Variants in KALRN observed in about 807,000 individuals in gnomAD.
KALRN encodes the protein kalirin.
In KALRN, 70 loss-of-function variants were observed where a neutral mutation model predicts 353.7. That is an observed-to-expected ratio of 0.20 (90% CI 0.16 to 0.24). The LOEUF (loss-of-function observed/expected upper bound fraction) is 0.24. Among genes scored for constraint, KALRN ranks in the 10% least tolerant of loss-of-function variants. The pLI, the probability that KALRN is intolerant of heterozygous loss-of-function variation, is 1.00. For missense variants in KALRN, 2,791 were observed against 3,756.7 expected, an observed-to-expected ratio of 0.74 and a Z score of 6.72; for synonymous variants, 1,391 against 1,434.8, an observed-to-expected ratio of 0.97 and a Z score of 0.69.
chr3:124,187,916 C>G (rs1222706319), intron 1 of KALRN, among the ~76,000 whole-genome samples: 1 of 152,150 alleles, frequency 6.6e-6, no homozygotes, highest in Non-Finnish European at 1.5e-5. Flanking sequence ...TGCATTTTCA[C>G]CTGGTTACTG....
chr3:124,338,986 A>C (rs907979620), intron 9 of KALRN, among the ~76,000 whole-genome samples: 1 of 152,218 alleles, frequency 6.6e-6, no homozygotes, highest in Non-Finnish European at 1.5e-5. Context: ...AGGGCTTTTT[A>C]AAAACAGATT....
chr3:124,246,550 T>G (rs1227565295), intron 3 of KALRN, among the ~76,000 whole-genome samples: 2 of 152,242 alleles, frequency 1.3e-5, no homozygotes, highest in Non-Finnish European at 2.9e-5. Context: ...TGGCATGGCT[T>G]AAAGTGGTTA....
At chr3:124,520,831 TC>T (rs2067103576) in intron 33 of KALRN, among the ~76,000 whole-genome samples, 1 of 152,228 alleles carries the variant, frequency 6.6e-6, no homozygotes, top group African/African-American at 2.4e-5. Flanking sequence ...CCTCTAATTT[TC>T]ACAGCCATCC....
chr3:124,430,367 C>T (rs1448986907), intron 15 of KALRN, among the ~76,000 whole-genome samples: 1 of 152,158 alleles, frequency 6.6e-6, no homozygotes, highest in East Asian at 1.9e-4. Flanking sequence ...GACATGCATA[C>T]AGTACAACCA....
intron 5 of KALRN, among the ~76,000 whole-genome samples, chr3:124,289,680 A>T (rs1350160661): frequency 6.6e-6 from 1 of 152,194 alleles, no homozygotes. Flanking sequence ...TTAGGTTCAG[A>T]TGGACACTAG....
Position 124,722,225 on chromosome 3 carries a change from G to T in KALRN, c.*2755G>T. The T allele has an allele frequency of 6.6e-6, 1 of 152,322 alleles. No homozygotes were observed. 9.4% of individuals were successfully genotyped at this position (152,322 alleles called of 1,614,324 possible). On this transcript the variant is annotated 3_prime_UTR_variant, in exon 60 of 60. Transcript: ENST00000682506. Reference sequence around the variant, plus strand: ...TTTTTGAAATTATGTTATGGGGGCAGTTGACAGAATGTTAGACAGACCCCA... The same window carrying T: ...TTTTTGAAATTATGTTATGGGGGCATTTGACAGAATGTTAGACAGACCCCA...
At chr3:124,575,009 G>A (rs1202201608) in intron 34 of KALRN, among the ~76,000 whole-genome samples, 1 of 152,224 alleles carries the variant, frequency 6.6e-6, no homozygotes, top group East Asian at 1.9e-4. Flanking sequence ...GAGGATCTAT[G>A]TGGGGGTGAA....
In KALRN at chr3:124,723,850, G is replaced by A. The variant is rs2150870453; in HGVS notation, c.*4380G>A. 6.6e-6 allele frequency: 1 copy of A among 152,276 alleles called. No individual in the cohort carries two copies. Among genetic ancestry groups the A allele is most frequent in the Non-Finnish European group, 1.5e-5 (1 of 68,020 alleles). The allele number at this position is 152,276 out of a possible 1,614,324, so 9.4% of individuals were successfully genotyped here. Reference sequence around the variant, plus strand: ...TTTATGCTCTGGAAAAAAGGACAGAGAAGAACCCAACAACCACTTTCTTCA... The same window carrying A: ...TTTATGCTCTGGAAAAAAGGACAGAAAAGAACCCAACAACCACTTTCTTCA... On this transcript the variant is annotated 3_prime_UTR_variant, in exon 60 of 60. Transcript: ENST00000682506.
chr3:124,327,717 A>G (rs1460579394), intron 7 of KALRN, among the ~76,000 whole-genome samples: 1 of 152,220 alleles, frequency 6.6e-6, no homozygotes, highest in Non-Finnish European at 1.5e-5. Flanking sequence ...TGTGGTCTTA[A>G]CTTCTACAAT....
intron 2 of KALRN, among the ~76,000 whole-genome samples, chr3:124,232,592 G>A (rs1358473567): frequency 6.6e-6 from 1 of 152,136 alleles, no homozygotes; most frequent in African/African-American, 2.4e-5. Flanking sequence ...CCAGCATAAA[G>A]ATTCTCTTCC....
chr3:124,711,631 T>C (rs557145487), intron 57 of KALRN, among the ~76,000 whole-genome samples: 1 of 152,318 alleles, frequency 6.6e-6, no homozygotes, highest in East Asian at 1.9e-4. Flanking sequence ...GCAACAGCTG[T>C]ATCTGGGAAC....
intron 5 of KALRN, among the ~76,000 whole-genome samples, chr3:124,289,633 G>A (rs1431549715): frequency 6.6e-6 from 1 of 152,192 alleles, no homozygotes; most frequent in Non-Finnish European, 1.5e-5. Flanking sequence ...GGAAGTTATT[G>A]TTAGAGAGCA....
chr3:124,564,959 G>C (rs187437637), intron 34 of KALRN, among the ~76,000 whole-genome samples: 1 of 152,248 alleles, frequency 6.6e-6, no homozygotes, highest in African/African-American at 2.4e-5. Context: ...CTTCTATGCA[G>C]ACCTGTGCTA....
chr3:124,698,627 A>G (rs1416864115), intron 55 of KALRN, among the ~76,000 whole-genome samples: 3 of 152,224 alleles, frequency 2.0e-5, no homozygotes, highest in African/African-American at 4.8e-5. Context: ...GATTATAGTT[A>G]GTGAGAGGCA....
chr3:124,108,315 A>C (rs767925363), intron 1 of KALRN, among the ~76,000 whole-genome samples: 8 of 152,220 alleles, frequency 5.3e-5, no homozygotes, highest in East Asian at 1.9e-4. Context: ...CAAAAGGCAG[A>C]TAGTCATGTT....
intron 51 of KALRN, among the ~76,000 whole-genome samples, chr3:124,684,459 A>C (rs376911563): frequency 2.0e-5 from 3 of 152,334 alleles, no homozygotes; most frequent in East Asian, 1.9e-4. Flanking sequence ...CAAAAACCAC[A>C]AAGGCAGTAT....
intron 6 of KALRN, 75 bp from the exon 7 acceptor site, chr3:124,325,905 A>G (rs556533474): frequency 2.3e-6 from 3 of 1,303,332 alleles, no homozygotes; most frequent in African/African-American, 2.9e-5. Context: ...CCCTTCCCCA[A>G]ATATGTACCC....
At chr3:124,118,187 A>G (rs1480338766) in intron 1 of KALRN, among the ~76,000 whole-genome samples, 2 of 151,898 alleles carry the variant, frequency 1.3e-5, no homozygotes, top group Non-Finnish European at 2.9e-5. Context: ...GATGAAGGAG[A>G]CACTTCCATC....
intron 21 of KALRN, among the ~76,000 whole-genome samples, chr3:124,452,335 A>C (rs1489364106): frequency 6.6e-6 from 1 of 152,210 alleles, no homozygotes; most frequent in Non-Finnish European, 1.5e-5. Flanking sequence ...TCATTCAGTC[A>C]ACATTGATGG....
Sources: gnomAD v4.1 joint callset for allele counts (sites outside exome capture counted in the v4.1 genomes callset) on GRCh38, gnomAD v4.1.1 for gene constraint, MANE v1.5 for transcripts, NCBI Gene and HGNC (gene_info 2026-07-23, HGNC 2026-07-21) for gene names.